Variants in CYBC1 observed in about 807,000 individuals in gnomAD.
CYBC1 encodes the protein essential for reactive oxygen species protein.
CYBC1 carries 22 observed loss-of-function variants against 21.7 expected under a neutral mutation model. The observed-to-expected ratio is 1.02, with a 90% confidence interval of 0.73 to 1.45. CYBC1 has a LOEUF of 1.45. CYBC1 is among the 40% of genes most tolerant of loss of function. The pLI is 0.00. For synonymous variants in CYBC1, 112 were observed against 98.7 expected (o/e 1.13, Z -0.80); for missense variants, 237 against 242.1 (o/e 0.98, Z 0.14).
chr17:82,447,371 A>G (rs958089798), intron 3 of CYBC1: 9 of 581,948 alleles, frequency 1.5e-5, no homozygotes, highest in Non-Finnish European at 2.4e-5. Flanking sequence ...AAAAAAAAGA[A>G]GTGAAATGTG....
intron 5 of CYBC1, chr17:82,445,617 ACT>A (rs1386515098): frequency 2.3e-6 from 1 of 427,800 alleles, no homozygotes; most frequent in Non-Finnish European, 4.2e-6. Context: ...TGCTCCTCCC[ACT>A]CTCCCCAGGG....
At chr17:82,445,649 C>T (rs2054237471) in intron 5 of CYBC1, 1 of 507,466 alleles carries the variant, frequency 2.0e-6, no homozygotes, top group African/African-American at 2.0e-5. Context: ...CTAAAGAACC[C>T]AGGAGGCTCT....
chr17:82,444,454 GGCC>G lies in CYBC1; in HGVS notation c.433_435del (p.Gly145del), dbSNP rs1567907059. The G allele has an allele frequency of 1.2e-6, 2 of 1,607,458 alleles. No homozygotes were observed. ...AAAGTCCCACAGCCTTACCTGCGGT[GGCC>G]CATGACTGCACTCTGCGTGAGGGGG... On this transcript the variant is annotated inframe_deletion, in exon 6 of 7. Transcript: ENST00000306645.
rs543683196 is a variant in CYBC1, at chr17:82,442,820, G to A, written c.*1184C>T. ...AGCCATTCCTGGGCCTGCCGCCTAG[G>A]GGCTCACAGGGCCCAGGAGTCCCCA... is the stretch of plus-strand genomic sequence containing the variant. On this transcript the variant is annotated 3_prime_UTR_variant, in exon 7 of 7. Coordinates refer to ENST00000306645, the MANE Select transcript of CYBC1 (RefSeq NM_001033046.4). The surrounding 1 kb of genome is among the most constrained non-coding windows in gnomAD (Gnocchi z 6.8). The A allele has an allele frequency of 1.2e-3, 582 of 501,368 alleles. 1 individual carries two copies. Among genetic ancestry groups the A allele is most frequent in the Non-Finnish European group, 1.8e-3 (508 of 280,960 alleles). 31.1% of individuals were successfully genotyped at this position (501,368 alleles called of 1,614,324 possible).
chr17:82,444,981 G>A (rs894726770), intron 5 of CYBC1: 57 of 181,046 alleles, frequency 3.1e-4, no homozygotes, highest in African/African-American at 1.1e-3. Context: ...CCACCTCTTC[G>A]GGTACTGGGG....
chr17:82,446,900 C>T lies in CYBC1; in HGVS notation c.128-204G>A, dbSNP rs146453694. 2.6e-3 allele frequency: 1,524 copies of T among 594,178 alleles called. 21 individuals are homozygous for T. The highest frequency in any genetic ancestry group is 0.025 in the African/African-American group (1,340 of 53,720). 36.8% of individuals were successfully genotyped at this position (594,178 alleles called of 1,614,324 possible). ...ACCCAGCTCTGACCCCCAGAGTCCACGTGAGAGAGGCAGGTGGGGCGCACA... is the reference window on the plus strand; with the variant it reads ...ACCCAGCTCTGACCCCCAGAGTCCATGTGAGAGAGGCAGGTGGGGCGCACA... On this transcript the variant is annotated intron_variant, in intron 3 of 6. Coordinates refer to ENST00000306645, the MANE Select transcript of CYBC1 (RefSeq NM_001033046.4).
intron 4 of CYBC1, among the ~76,000 whole-genome samples, chr17:82,446,191 G>A (rs539581029): frequency 6.6e-6 from 1 of 152,326 alleles, no homozygotes; most frequent in South Asian, 2.1e-4. Flanking sequence ...TGCAGCAGGC[G>A]CTTGCTCCAC....
rs372067368 is a variant in CYBC1 at position 82,444,482 on chromosome 17, G to A, written c.408C>T (p.His136=). 5 of 1,613,546 alleles carry A rather than the reference G, an allele frequency of 3.1e-6. No homozygotes were observed. The highest frequency in any genetic ancestry group is 2.2e-5 in the East Asian group (1 of 44,890). ...VVLRLATGFS[H]PLTQSAVMGH... ...CCATGACTGCACTCTGCGTGAGGGG[G>A]TGGGAGAAGCCCGTCGCAAGCCGGA... Residue 136 remains histidine, a synonymous_variant, in exon 6 of 7, where the codon CAC becomes CAT. Transcript: ENST00000306645.
In CYBC1 at chr17:82,445,857, G is replaced by A. The variant is rs753973750; in HGVS notation, c.298+7C>T. The stretch of plus-strand genomic sequence containing the variant: ...TGTCCCATGTCCCCACGCTCCCCAC[G>A]ACTCACCCTGGTCGTGGCCAGCTCT... On this transcript the variant is annotated splice_region_variant and intron_variant, in intron 5 of 6. Transcript: ENST00000306645. The A allele has an allele frequency of 8.7e-6, 14 of 1,605,214 alleles. No individual in the cohort carries two copies. The highest frequency in any genetic ancestry group is 2.2e-5 in the South Asian group (2 of 89,902).
intron 5 of CYBC1, chr17:82,444,837 TCTC>T (rs2143698978): frequency 2.0e-6 from 1 of 512,330 alleles, no homozygotes; most frequent in East Asian, 3.2e-5. Context: ...GCCCGCTGGT[TCTC>T]CTGGGAGTGC....
intron 3 of CYBC1, chr17:82,447,335 A>C: frequency 1.8e-6 from 1 of 546,048 alleles, no homozygotes; most frequent in Admixed American, 3.1e-5. Context: ...CCTGGGTGAC[A>C]GAGCGAGACT....
At position 82,443,348 on chromosome 17, in the gene CYBC1, C is replaced by T. The variant is rs2054081416; in HGVS notation, c.*656G>A. The T allele has an allele frequency of 5.7e-5, 25 of 442,164 alleles. No individual in the cohort carries two copies. The highest frequency in any genetic ancestry group is 5.0e-4 in the South Asian group (25 of 50,126). The allele number at this position is 442,164 out of a possible 1,614,324, so 27.4% of individuals were successfully genotyped here. On this transcript the variant is annotated 3_prime_UTR_variant, in exon 7 of 7. Coordinates refer to ENST00000306645, the MANE Select transcript of CYBC1 (RefSeq NM_001033046.4). This position sits in a 1 kb window ranked among gnomAD's most constrained non-coding sequence, Gnocchi z 6.7. ...CCGCTGGGGCAGAGTGGTCTATGCG[C>T]CGAGATCCTGGCATCAGCAAGGGAG...
chr17:82,442,883 G>A lies in CYBC1; in HGVS notation c.*1121C>T. 2.9e-6 allele frequency: 1 copy of A among 339,626 alleles called. No individual in the cohort carries two copies. The highest frequency in any genetic ancestry group is 2.1e-5 in the African/African-American group (1 of 48,216). The allele number at this position is 339,626 out of a possible 1,614,324, so 21.0% of individuals were successfully genotyped here. On this transcript the variant is annotated 3_prime_UTR_variant, in exon 7 of 7. Coordinates refer to ENST00000306645, the MANE Select transcript of CYBC1 (RefSeq NM_001033046.4). This position sits in a 1 kb window ranked among gnomAD's most constrained non-coding sequence, Gnocchi z 6.8. ...GGGCATCAGGCCAGGCGCGCTCGGT[G>A]CACACCGCACCTGGGAGGACCTGGG...
intron 5 of CYBC1, 31 bp from the exon 6 acceptor site, chr17:82,444,622 C>T: frequency 3.2e-6 from 5 of 1,570,010 alleles, no homozygotes; most frequent in Non-Finnish European, 4.4e-6. Flanking sequence ...GCCGAGCCAT[C>T]CCCGCCCACA....
At position 82,444,065 on chromosome 17, in the gene CYBC1, C is replaced by G. The variant is rs368239776; in HGVS notation, c.503G>C (p.Ser168Thr). 8.1e-6 allele frequency: 13 copies of G among 1,613,654 alleles called. No individual in the cohort carries two copies. The highest frequency in any genetic ancestry group is 1.3e-5 in the African/African-American group (1 of 75,040). The change falls in exon 7 of 7, where the codon AGC (serine) becomes ACC (threonine). Residue 168 changes from serine to threonine, a missense_variant. Ser to Thr is a moderately conservative substitution (Grantham distance 58). Coordinates refer to ENST00000306645, the MANE Select transcript of CYBC1 (RefSeq NM_001033046.4). ...TSFLELHCLE[S>T]PTELSQSSDS... ...GCTGCTCTGAGACAGCTCTGTGGGG[C>G]TCTCAAGGCAGTGCAGCTCCAGGAA...
At chr17:82,446,003 G>T (rs748016231) in intron 4 of CYBC1, 43 bp from the exon 5 acceptor site, 2 of 1,579,700 alleles carry the variant, frequency 1.3e-6, no homozygotes, top group African/African-American at 1.3e-5. Flanking sequence ...CTCCAGGAAC[G>T]GGGGCCCCGT....
chr17:82,447,679 T>G, intron 2 of CYBC1, 58 bp from the exon 3 acceptor site: 1 of 1,487,496 alleles, frequency 6.7e-7, no homozygotes, highest in Non-Finnish European at 9.2e-7. Context: ...ACCTCCCTGG[T>G]GCAGCGGGAC....
chr17:82,447,705 C>T (rs1424369535), intron 2 of CYBC1, 84 bp from the exon 3 acceptor site: 2 of 1,247,012 alleles, frequency 1.6e-6, no homozygotes, highest in Non-Finnish European at 1.1e-6. Context: ...GCCACAGCCC[C>T]TGATGAGCAG....
intron 2 of CYBC1, 165 bp downstream of exon 2, chr17:82,449,005 A>T: frequency 1.6e-6 from 1 of 607,970 alleles, no homozygotes; most frequent in Non-Finnish European, 2.8e-6. Flanking sequence ...CATTATCTGT[A>T]AAACCAAGTA....
Sources: allele counts gnomAD v4.1 joint callset (sites outside exome capture counted in the v4.1 genomes callset), GRCh38; gene constraint gnomAD v4.1.1; non-coding constraint Gnocchi (gnomAD v3.1); transcripts MANE v1.5; gene names NCBI Gene and HGNC (gene_info 2026-07-23, HGNC 2026-07-21).